The following MAP3K5 variants were observed in gnomAD, a reference collection of about 807,000 sequenced individuals.
MAP3K5 encodes ASK-1.
In MAP3K5, 56 loss-of-function variants were observed where a neutral mutation model predicts 158.7. The observed-to-expected ratio is 0.35, with a 90% CI of 0.28 to 0.44. MAP3K5 has a LOEUF of 0.44. Ranked by LOEUF, MAP3K5 falls within the 20% of genes least tolerant of loss-of-function variation. The pLI is 1.00. For missense variants in MAP3K5, 1,294 were observed against 1,674.8 expected (o/e 0.77, Z 3.97); for synonymous variants, 579 against 601.7 (o/e 0.96, Z 0.55).
chr6:136,673,916 GC>G (rs905858577), intron 7 of MAP3K5, among the ~76,000 whole-genome samples: 19 of 151,990 alleles, frequency 1.3e-4, no homozygotes, highest in Non-Finnish European at 1.5e-5. Flanking sequence ...AAGAAGCTCA[GC>G]AAAACTCAAG....
intron 23 of MAP3K5, among the ~76,000 whole-genome samples, chr6:136,587,379 A>G (rs921398218): frequency 3.3e-5 from 5 of 152,192 alleles, no homozygotes; most frequent in Non-Finnish European, 7.3e-5. Context: ...CAATTGTGGA[A>G]TATTTTCTGT....
At chr6:136,631,659 C>A (rs2129101833) in intron 14 of MAP3K5, among the ~76,000 whole-genome samples, 1 of 152,138 alleles carries the variant, frequency 6.6e-6, no homozygotes, top group East Asian at 1.9e-4. Context: ...ATCCATATCT[C>A]TCTCCTCCCA....
intron 7 of MAP3K5, among the ~76,000 whole-genome samples, chr6:136,688,200 A>C (rs1780235734): frequency 6.6e-6 from 1 of 152,218 alleles, no homozygotes. Context: ...GTTCTCACTC[A>C]TAAGTGGGTG....
intron 9 of MAP3K5, among the ~76,000 whole-genome samples, chr6:136,657,182 A>C (rs1344437951): frequency 6.6e-6 from 1 of 152,250 alleles, no homozygotes; most frequent in Non-Finnish European, 1.5e-5. Context: ...GCTCTGAAGC[A>C]ACTCAGCTTA....
At chr6:136,714,403 G>A (rs542888342) in intron 2 of MAP3K5, among the ~76,000 whole-genome samples, 13 of 152,250 alleles carry the variant, frequency 8.5e-5, no homozygotes, top group South Asian at 8.3e-4. Context: ...ACAAGACTCC[G>A]TGTTTAAGTT....
Position 136,557,694 on chromosome 6 carries a change from C to G in MAP3K5, c.*64G>C. 8.3e-7 allele frequency: 1 copy of G among 1,197,974 alleles called. No individual in the cohort carries two copies. The highest frequency in any genetic ancestry group is 1.2e-6 in the Non-Finnish European group (1 of 801,934). The allele number at this position is 1,197,974 out of a possible 1,614,324, so 74.2% of individuals were successfully genotyped here. A position where few individuals can be genotyped will look rare whatever the true frequency, so the allele number is the denominator to read the frequency against. On this transcript the variant is annotated 3_prime_UTR_variant, in exon 30 of 30. Coordinates refer to ENST00000359015, the MANE Select transcript of MAP3K5 (RefSeq NM_005923.4). ...TCTCCTCTCCCTTCGATTTTCCCAC[C>G]CCCAAGAAGATCAGCTCTGTATTAA...
intron 1 of MAP3K5, among the ~76,000 whole-genome samples, chr6:136,748,431 AT>A (rs752840028): frequency 6.6e-6 from 1 of 152,232 alleles, no homozygotes; most frequent in African/African-American, 2.4e-5. Flanking sequence ...AACCTCAGTC[AT>A]AAATGGGTTA....
intron 7 of MAP3K5, among the ~76,000 whole-genome samples, chr6:136,678,137 T>A (rs954373900): frequency 8.5e-5 from 13 of 152,114 alleles, no homozygotes; most frequent in African/African-American, 3.1e-4. Context: ...TTCTTTTTCA[T>A]TATTTTCTGG....
chr6:136,729,980 T>C (rs757440376), intron 1 of MAP3K5, among the ~76,000 whole-genome samples: 1 of 152,182 alleles, frequency 6.6e-6, no homozygotes, highest in Non-Finnish European at 1.5e-5. Context: ...GGAGGTTTTG[T>C]GGTATTTTCT....
intron 1 of MAP3K5, among the ~76,000 whole-genome samples, chr6:136,727,753 G>T (rs970583164): frequency 3.9e-5 from 6 of 152,128 alleles, no homozygotes; most frequent in Non-Finnish European, 8.8e-5. Flanking sequence ...AAGGTCAGGA[G>T]ATCGAGACCA....
intron 1 of MAP3K5, among the ~76,000 whole-genome samples, chr6:136,730,152 TG>T (rs1473149169): frequency 7.3e-5 from 7 of 95,286 alleles, no homozygotes; most frequent in African/African-American, 2.3e-4. Context: ...GTTGTTTGGT[TG>T]TTTTTTTTTT....
intron 25 of MAP3K5, among the ~76,000 whole-genome samples, chr6:136,568,734 A>G (rs907911832): frequency 5.3e-5 from 8 of 151,668 alleles, no homozygotes; most frequent in Admixed American, 1.3e-4. Flanking sequence ...TTAGCCGGAC[A>G]TGGTGGCACG....
intron 18 of MAP3K5, among the ~76,000 whole-genome samples, chr6:136,610,412 CT>C (rs1053032436): frequency 2.0e-5 from 3 of 151,972 alleles, no homozygotes; most frequent in Non-Finnish European, 4.4e-5. Context: ...AGCTCTCTCC[CT>C]CCCTTCTTCT....
intron 1 of MAP3K5, among the ~76,000 whole-genome samples, chr6:136,772,513 G>C (rs578040126): frequency 7.8e-4 from 118 of 152,148 alleles, no homozygotes; most frequent in African/African-American, 2.5e-3. Flanking sequence ...TGAATGAACA[G>C]ACAATGAAAA....
intron 29 of MAP3K5, among the ~76,000 whole-genome samples, chr6:136,558,519 T>C (rs973560662): frequency 2.0e-5 from 3 of 152,208 alleles, no homozygotes; most frequent in Admixed American, 6.5e-5. Context: ...ATTAAAGCAT[T>C]TGTTTAAGGC....
chr6:136,731,308 T>C lies in MAP3K5; in HGVS notation c.449-10719A>G, dbSNP rs151046834. On this transcript the variant is annotated intron_variant, in intron 1 of 29. Transcript: ENST00000359015. ...TAGTTTCCTGTGCCATTGTAACTAA[T>C]TATTACAAGCTTGATGCCTTAAAAC... Among the ~76,000 whole-genome samples the C allele has an allele frequency of 2.0e-5, 3 of 152,352 alleles. No individual in the cohort carries two copies. In the East Asian group the frequency reaches 5.8e-4, roughly 29 times the overall value.
intron 7 of MAP3K5, among the ~76,000 whole-genome samples, chr6:136,691,385 T>A (rs1324703998): frequency 6.6e-6 from 1 of 151,960 alleles, no homozygotes; most frequent in Non-Finnish European, 1.5e-5. Flanking sequence ...CCGAGGCAGG[T>A]GGATCACTTG....
At chr6:136,670,835 G>A (rs745306508) in intron 7 of MAP3K5, among the ~76,000 whole-genome samples, 2 of 151,968 alleles carry the variant, frequency 1.3e-5, no homozygotes, top group Non-Finnish European at 2.9e-5. Context: ...TGTACCTATG[G>A]AATATGAAAA....
At chr6:136,574,730 C>T (rs1438120972) in intron 25 of MAP3K5, among the ~76,000 whole-genome samples, 1 of 143,686 alleles carries the variant, frequency 7.0e-6, no homozygotes, top group African/African-American at 2.6e-5. Flanking sequence ...GCTCTTTCAC[C>T]CAGGCTGGAG....
Sources: gnomAD v4.1 joint callset for allele counts (sites outside exome capture counted in the v4.1 genomes callset) on GRCh38, gnomAD v4.1.1 for gene constraint, MANE v1.5 for transcripts, NCBI Gene and HGNC (gene_info 2026-07-23, HGNC 2026-07-21) for gene names.